The following NFIX variants were observed in gnomAD, a reference collection of about 807,000 sequenced individuals.
The protein encoded by NFIX is nuclear factor 1 X-type.
In NFIX, 2 loss-of-function variants were observed where a neutral mutation model predicts 53.3. That is an observed-to-expected ratio of 0.04 (90% CI 0.02 to 0.12). The LOEUF (loss-of-function observed/expected upper bound fraction) is 0.12. Among genes scored for constraint, NFIX ranks in the 10% least tolerant of loss-of-function variants. The pLI is 1.00. For synonymous variants in NFIX, 244 were observed against 289.0 expected (o/e 0.84, Z 1.58); for missense variants, 310 against 674.5 (o/e 0.46, Z 5.99).
chr19:13,000,610 T>C (rs1183529246), intron 1 of NFIX, among the ~76,000 whole-genome samples: 1 of 151,994 alleles, frequency 6.6e-6, no homozygotes, highest in Non-Finnish European at 1.5e-5. Context: ...GAGGACCAGA[T>C]ACCCTGGTTG....
At chr19:13,010,468 C>G (rs1846653356) in intron 1 of NFIX, among the ~76,000 whole-genome samples, 1 of 152,270 alleles carries the variant, frequency 6.6e-6, no homozygotes, top group Non-Finnish European at 1.5e-5. Context: ...TGCCCGGCGC[C>G]CCCAGTCGGG....
chr19:13,032,386 G>A (rs2013884969), intron 2 of NFIX, among the ~76,000 whole-genome samples: 1 of 152,202 alleles, frequency 6.6e-6, no homozygotes, highest in Non-Finnish European at 1.5e-5. Flanking sequence ...TTATGTGCTA[G>A]GCCTAAGGGC....
At chr19:13,032,616 T>C (rs566038304) in intron 2 of NFIX, among the ~76,000 whole-genome samples, 1 of 152,178 alleles carries the variant, frequency 6.6e-6, no homozygotes, top group Non-Finnish European at 1.5e-5. Context: ...AGGTTGGGGC[T>C]TCCCACCCTA....
chr19:13,073,631 C>T lies in NFIX; in HGVS notation c.697+135C>T, dbSNP rs978466165. The T allele has an allele frequency of 1.9e-5, 16 of 856,598 alleles. No homozygotes were observed. The Admixed American group carries it at 2.4e-4, about 13-fold the overall frequency. 53.1% of individuals were successfully genotyped at this position (856,598 alleles called of 1,614,324 possible). On this transcript the variant is annotated intron_variant, in intron 4 of 10. Transcript: ENST00000592199. The surrounding 1 kb of genome is among the most constrained non-coding windows in gnomAD (Gnocchi z 4.5). Reference sequence around the variant, plus strand: ...GCTTTCTGGGACACTCTCGGCTTCACTGGTGCTGGGCTGGGTACAATAGAG... The same window carrying T: ...GCTTTCTGGGACACTCTCGGCTTCATTGGTGCTGGGCTGGGTACAATAGAG...
intron 2 of NFIX, among the ~76,000 whole-genome samples, chr19:13,042,000 C>A (rs1322837811): frequency 6.6e-6 from 1 of 151,900 alleles, no homozygotes; most frequent in Non-Finnish European, 1.5e-5. Context: ...CAGATTCACG[C>A]CATTCTGCTG....
rs912623653 is a variant in NFIX, at chr19:13,066,615, C to T, written c.560-6432C>T. Among the ~76,000 whole-genome samples, 1 of 152,178 alleles carries T rather than the reference C, an allele frequency of 6.6e-6. No homozygotes were observed. Among genetic ancestry groups the T allele is most frequent in the Non-Finnish European group, 1.5e-5 (1 of 68,030 alleles). On this transcript the variant is annotated intron_variant, in intron 2 of 10. Transcript: ENST00000592199. The surrounding 1 kb of genome is among the most constrained non-coding windows in gnomAD (Gnocchi z 4.2). ...TCCCCTGTCCTTATCCCTGCCCCCACCCACAGCTTGCGGGCTCTGCTTCTT... is the reference window on the plus strand; with the variant it reads ...TCCCCTGTCCTTATCCCTGCCCCCATCCACAGCTTGCGGGCTCTGCTTCTT...
Position 13,045,032 on chromosome 19 carries a change from C to T in NFIX, c.559+19480C>T, listed in dbSNP as rs909525031. ...ACTGCAGTACTGAGGATGGTGAGAA[C>T]AGCGGTGGCCCGCCGGCAGCTCAGA... On this transcript the variant is annotated intron_variant, in intron 2 of 10. Transcript: ENST00000592199. The surrounding 1 kb of genome is among the most constrained non-coding windows in gnomAD (Gnocchi z 4.4). Among the ~76,000 whole-genome samples, 3 of 152,170 alleles carry T rather than the reference C, an allele frequency of 2.0e-5. No individual in the cohort carries two copies. The highest frequency in any genetic ancestry group is 4.4e-5 in the Non-Finnish European group (3 of 68,022).
At chr19:13,075,773 CGGG>C in intron 6 of NFIX, 102 bp downstream of exon 6, 1 of 1,342,778 alleles carries the variant, frequency 7.4e-7, no homozygotes, top group African/African-American at 1.4e-5. Context: ...GTCCCCCTGT[CGGG>C]GGGCATTACC....
rs1474648678 is a variant in NFIX, at chr19:13,027,738, A to G, written c.559+2186A>G. Reference sequence around the variant, plus strand: ...TCCTGGCCAGAAGAAAGGCCCCACCATGCCTCCCTGCCAGCTTAAGAGATC... The same window carrying G: ...TCCTGGCCAGAAGAAAGGCCCCACCGTGCCTCCCTGCCAGCTTAAGAGATC... On this transcript the variant is annotated intron_variant, in intron 2 of 10. Coordinates refer to ENST00000592199, the MANE Select transcript of NFIX (RefSeq NM_001365902.3). The surrounding 1 kb of genome is among the most constrained non-coding windows in gnomAD (Gnocchi z 4.3). 6.6e-6 allele frequency among the ~76,000 whole-genome samples: 1 copy of G among 152,174 alleles called. No homozygotes were observed. Among genetic ancestry groups the G allele is most frequent in the Non-Finnish European group, 1.5e-5 (1 of 68,036 alleles).
At chr19:13,061,986 C>T (rs970076411) in intron 2 of NFIX, among the ~76,000 whole-genome samples, 2 of 152,114 alleles carry the variant, frequency 1.3e-5, no homozygotes, top group Admixed American at 1.3e-4. Context: ...TTCAACCCAT[C>T]CCTGCCCAGG....
rs958562499 is a variant in NFIX at position 13,060,815 on chromosome 19, C to G, written c.560-12232C>G. Among the ~76,000 whole-genome samples, 1 of 151,340 alleles carries G rather than the reference C, an allele frequency of 6.6e-6. No homozygotes were observed. The highest frequency in any genetic ancestry group is 2.4e-5 in the African/African-American group (1 of 41,158). On this transcript the variant is annotated intron_variant, in intron 2 of 10. Transcript: ENST00000592199. The surrounding 1 kb of genome is among the most constrained non-coding windows in gnomAD (Gnocchi z 4.3). Reference sequence around the variant, plus strand: ...CTCCCAGCGGAACAAAGGGGCCTTTCTCCACGCCCGCCCGGGAGGGTGTGC... The same window carrying G: ...CTCCCAGCGGAACAAAGGGGCCTTTGTCCACGCCCGCCCGGGAGGGTGTGC...
chr19:13,055,994 G>A (rs2015661338), intron 2 of NFIX, among the ~76,000 whole-genome samples: 1 of 152,216 alleles, frequency 6.6e-6, no homozygotes, highest in African/African-American at 2.4e-5. Context: ...AGTGGTCTGT[G>A]GGGAGGCCTG....
chr19:13,075,748 AGCCTC>A, intron 6 of NFIX, 77 bp downstream of exon 6: 1 of 1,510,906 alleles, frequency 6.6e-7, no homozygotes, highest in Non-Finnish European at 9.0e-7. Flanking sequence ...TCACCTGGTG[AGCCTC>A]CCACCAGTTG....
Position 13,049,093 on chromosome 19 carries a change from A to C in NFIX, c.559+23541A>C, listed in dbSNP as rs2015169360. ...CTCTGTCTAAAAAAAAACAAAACAA[A>C]ACAAAAATTAGCCATGCACGGTGGT... On this transcript the variant is annotated intron_variant, in intron 2 of 10. Coordinates refer to ENST00000592199, the MANE Select transcript of NFIX (RefSeq NM_001365902.3). This position sits in a 1 kb window ranked among gnomAD's most constrained non-coding sequence, Gnocchi z 4.5. Among the ~76,000 whole-genome samples, 2 of 151,560 alleles carry C rather than the reference A, an allele frequency of 1.3e-5. No homozygotes were observed. Among genetic ancestry groups the C allele is most frequent in the South Asian group, 4.2e-4 (2 of 4,778 alleles).
At chr19:13,076,965 G>A (rs574655863) in intron 6 of NFIX, among the ~76,000 whole-genome samples, 1 of 152,216 alleles carries the variant, frequency 6.6e-6, no homozygotes, top group Admixed American at 6.5e-5. Flanking sequence ...CCCCTCCCAG[G>A]CTCTCCTCGT....
intron 1 of NFIX, chr19:13,024,532 C>A: frequency 6.6e-7 from 1 of 1,525,780 alleles, no homozygotes; most frequent in Non-Finnish European, 8.8e-7. Context: ...TGTCGGGGAC[C>A]AGAGGCGGCC....
chr19:13,058,284 G>GC (rs2015841608), intron 2 of NFIX, among the ~76,000 whole-genome samples: 2 of 152,094 alleles, frequency 1.3e-5, no homozygotes, highest in South Asian at 4.1e-4. Context: ...GGCCCTGCCT[G>GC]CAATTATGTA....
intron 2 of NFIX, among the ~76,000 whole-genome samples, chr19:13,054,706 G>A (rs1475273753): frequency 6.6e-6 from 1 of 152,140 alleles, no homozygotes; most frequent in Non-Finnish European, 1.5e-5. Flanking sequence ...CAGCAGTGGG[G>A]TGTCCTCCCT....
At chr19:13,080,925 G>A (rs1049850221) in intron 7 of NFIX, among the ~76,000 whole-genome samples, 1 of 151,908 alleles carries the variant, frequency 6.6e-6, no homozygotes, top group Non-Finnish European at 1.5e-5. Flanking sequence ...GCGTGAACCC[G>A]GGAGGCAGAG....
Sources: gnomAD v4.1 joint callset for allele counts (sites outside exome capture counted in the v4.1 genomes callset) on GRCh38, gnomAD v4.1.1 for gene constraint, Gnocchi (gnomAD v3.1) non-coding constraint, MANE v1.5 for transcripts, NCBI Gene and HGNC (gene_info 2026-07-23, HGNC 2026-07-21) for gene names.